The following MTARC1 variants were observed in gnomAD, a reference collection of about 807,000 sequenced individuals.
The protein encoded by MTARC1 is mitochondrial amidoxime reducing component 1.
A neutral mutation model predicts 33.6 loss-of-function variants in MTARC1; 24 were observed. The observed-to-expected ratio is 0.72, with a 90% confidence interval of 0.52 to 1.01. MTARC1 has a LOEUF of 1.01. MTARC1 is among the 50% of genes least tolerant of loss of function. The pLI, the probability that MTARC1 is intolerant of heterozygous loss-of-function variation, is 0.00. For synonymous variants in MTARC1, 187 were observed against 189.5 expected (o/e 0.99, Z 0.11); for missense variants, 417 against 445.7 (o/e 0.94, Z 0.58).
chr1:220,809,336 G>C (rs915795148), intron 6 of MTARC1, among the ~76,000 whole-genome samples: 2 of 152,088 alleles, frequency 1.3e-5, no homozygotes, highest in African/African-American at 4.8e-5. Flanking sequence ...TTATAAACTT[G>C]ACACCTTCTG....
chr1:220,800,664 A>G (rs1391482323), intron 4 of MTARC1, among the ~76,000 whole-genome samples: 2 of 151,582 alleles, frequency 1.3e-5, no homozygotes, highest in Non-Finnish European at 2.9e-5. Flanking sequence ...CTTCTGCCAG[A>G]GCTTTCCCCT....
chr1:220,793,873 C>G (rs181784691), intron 2 of MTARC1: 52 of 152,302 alleles, frequency 3.4e-4, no homozygotes, highest in African/African-American at 1.2e-3. Context: ...GGCCAAGATA[C>G]AGCAGAGGCC....
rs1431157772 is a variant in MTARC1 at position 220,818,770 on chromosome 1, C to T, written c.*5352C>T. 6.6e-6 allele frequency: 1 copy of T among 152,094 alleles called. No individual in the cohort carries two copies. Among genetic ancestry groups the T allele is most frequent in the African/African-American group, 2.4e-5 (1 of 41,412 alleles). 9.4% of individuals were successfully genotyped at this position (152,094 alleles called of 1,614,324 possible). A position where few individuals can be genotyped will look rare whatever the true frequency, so the allele number is the denominator to read the frequency against. ...TTATTTCTGATTAACATTTTTACACCTAACAAAGTCTCAGAGAGATTGAAT... is the reference window on the plus strand; with the variant it reads ...TTATTTCTGATTAACATTTTTACACTTAACAAAGTCTCAGAGAGATTGAAT... On this transcript the variant is annotated 3_prime_UTR_variant, in exon 7 of 7. Transcript: ENST00000366910.
intron 4 of MTARC1, among the ~76,000 whole-genome samples, chr1:220,800,326 T>C (rs367963803): frequency 1.2e-4 from 18 of 152,330 alleles, no homozygotes; most frequent in African/African-American, 4.1e-4. Context: ...TTGCTGCCCC[T>C]GTGTGGCATG....
intron 1 of MTARC1, among the ~76,000 whole-genome samples, chr1:220,787,469 C>G (rs945650176): frequency 6.6e-6 from 1 of 152,210 alleles, no homozygotes; most frequent in Non-Finnish European, 1.5e-5. Context: ...CCACCTCCCA[C>G]TGGCTCTTTG....
chr1:220,807,069 C>A (rs1393730716), intron 6 of MTARC1, among the ~76,000 whole-genome samples: 1 of 152,060 alleles, frequency 6.6e-6, no homozygotes, highest in African/African-American at 2.4e-5. Flanking sequence ...ACATTAACAA[C>A]TTTTCTGTAA....
chr1:220,789,924 G>A (rs1053134471), intron 1 of MTARC1, among the ~76,000 whole-genome samples: 8 of 152,210 alleles, frequency 5.3e-5, no homozygotes, highest in Admixed American at 1.3e-4. Context: ...AAAACGAGGA[G>A]TTATTGCTTA....
Position 220,791,683 on chromosome 1 carries a change from G to A in MTARC1, c.449+19G>A, listed in dbSNP as rs114252896. On this transcript the variant is annotated intron_variant, in intron 2 of 6. Coordinates refer to ENST00000366910, the MANE Select transcript of MTARC1 (RefSeq NM_022746.4). Reference sequence around the variant, plus strand: ...AGTGCAGGTAAGGAAAGGGCAGGTCGTAGCCCTTGTGTGAATGAATAGTCA... The same window carrying A: ...AGTGCAGGTAAGGAAAGGGCAGGTCATAGCCCTTGTGTGAATGAATAGTCA... The A allele has an allele frequency of 1.7e-4, 276 of 1,609,420 alleles. No homozygotes were observed. Among genetic ancestry groups the A allele is most frequent in the Middle Eastern group, 3.3e-4 (2 of 6,052 alleles).
In MTARC1 at chr1:220,787,025, G is replaced by T. The variant is rs759405620; in HGVS notation, c.81G>T (p.Ala27=). Residue 27 remains alanine, a synonymous_variant, in exon 1 of 7, where the codon GCG becomes GCT. Transcript: ENST00000366910. ...QSRPGWLGVA[A]LGLTAVALGA... ...GGCCCGGGTGGCTCGGGGTTGCCGC[G>T]CTGGGCCTGACCGCGGTGGCGCTGG... 4 of 1,354,020 alleles carry T rather than the reference G, an allele frequency of 3.0e-6. No individual in the cohort carries two copies. Among genetic ancestry groups the T allele is most frequent in the Admixed American group, 4.1e-5 (1 of 24,364 alleles). 83.9% of individuals were successfully genotyped at this position (1,354,020 alleles called of 1,614,324 possible). A position where few individuals can be genotyped will look rare whatever the true frequency, so the allele number is the denominator to read the frequency against.
chr1:220,800,898 C>T (rs1407111283), intron 4 of MTARC1, among the ~76,000 whole-genome samples: 1 of 39,308 alleles, frequency 2.5e-5, no homozygotes, highest in African/African-American at 2.1e-4. Flanking sequence ...CTGGGCCTTC[C>T]CCCCCACTCC....
chr1:220,789,970 G>C (rs1040853045), intron 1 of MTARC1, among the ~76,000 whole-genome samples: 9 of 152,248 alleles, frequency 5.9e-5, no homozygotes, highest in African/African-American at 2.2e-4. Flanking sequence ...TGATGAAAAG[G>C]TTTTGCAAAT....
chr1:220,807,930 C>T (rs1471179645), intron 6 of MTARC1, among the ~76,000 whole-genome samples: 1 of 152,104 alleles, frequency 6.6e-6, no homozygotes, highest in Non-Finnish European at 1.5e-5. Context: ...ATGTGCAGCA[C>T]ACCGACTGCT....
intron 4 of MTARC1, among the ~76,000 whole-genome samples, chr1:220,799,789 G>T (rs1198133360): frequency 2.0e-5 from 3 of 152,196 alleles, no homozygotes; most frequent in Non-Finnish European, 4.4e-5. Context: ...ACCTGCTTCC[G>T]CAAGTGACCG....
intron 1 of MTARC1, 93 bp downstream of exon 1, chr1:220,787,312 T>C (rs1672266923): frequency 7.2e-7 from 1 of 1,380,208 alleles, no homozygotes; most frequent in East Asian, 3.0e-5. Context: ...CAGAGTCTGC[T>C]AACAGGTCCT....
rs1571687481 is a variant in MTARC1 at position 220,816,122 on chromosome 1, T to C, written c.*2704T>C. On this transcript the variant is annotated 3_prime_UTR_variant, in exon 7 of 7. Coordinates refer to ENST00000366910, the MANE Select transcript of MTARC1 (RefSeq NM_022746.4). ...TTCTCCCTTTACTGATAACGGGGCA[T>C]GGTGAGGAGATGAGCTTGTGAGGGT... is the stretch of plus-strand genomic sequence containing the variant. The C allele has an allele frequency of 6.6e-6, 1 of 152,276 alleles. No homozygotes were observed. The highest frequency in any genetic ancestry group is 1.9e-4 in the East Asian group (1 of 5,180). The allele number at this position is 152,276 out of a possible 1,614,324, so 9.4% of individuals were successfully genotyped here.
chr1:220,787,812 A>G (rs1672283332), intron 1 of MTARC1, among the ~76,000 whole-genome samples: 1 of 152,130 alleles, frequency 6.6e-6, no homozygotes, highest in Non-Finnish European at 1.5e-5. Flanking sequence ...CAACATGGTG[A>G]AACCGCGTCT....
At position 220,815,985 on chromosome 1, in the gene MTARC1, AC is replaced by A. The variant is rs946826942; in HGVS notation, c.*2569del. 3.9e-5 allele frequency: 6 copies of A among 152,274 alleles called. No homozygotes were observed. Among genetic ancestry groups the A allele is most frequent in the African/African-American group, 1.4e-4 (6 of 41,446 alleles). The allele number at this position is 152,274 out of a possible 1,614,324, so 9.4% of individuals were successfully genotyped here. A position where few individuals can be genotyped will look rare whatever the true frequency, so the allele number is the denominator to read the frequency against. ...CTGCAGAAAATGTTAGAAACTTCCA[AC>A]CGAAAGACGAGGGCAGCAACTTATA... On this transcript the variant is annotated 3_prime_UTR_variant, in exon 7 of 7. Transcript: ENST00000366910.
chr1:220,787,282 A>G, intron 1 of MTARC1, 63 bp downstream of exon 1: 1 of 1,486,226 alleles, frequency 6.7e-7, no homozygotes, highest in Non-Finnish European at 8.9e-7. Context: ...GTGAGAAGGG[A>G]GGAGCGCAGG....
chr1:220,813,213 G>T, intron 6 of MTARC1, 79 bp from the exon 7 acceptor site: 1 of 1,599,634 alleles, frequency 6.3e-7, no homozygotes, highest in Non-Finnish European at 8.6e-7. Flanking sequence ...CGGAGGCCCT[G>T]TGTGGGATGG....
Sources: gnomAD v4.1 joint callset for allele counts (sites outside exome capture counted in the v4.1 genomes callset) on GRCh38, gnomAD v4.1.1 for gene constraint, MANE v1.5 for transcripts, NCBI Gene and HGNC (gene_info 2026-07-23, HGNC 2026-07-21) for gene names.